The following STX8 variants were observed in gnomAD, a reference collection of about 807,000 sequenced individuals.
STX8 encodes the protein syntaxin 8.
Under a neutral mutation model 37.5 loss-of-function variants are expected in STX8, and 23 were observed. The observed-to-expected ratio is 0.61, with a 90% CI of 0.44 to 0.87. The LOEUF is 0.87. Ranked by LOEUF, STX8 falls within the 40% of genes least tolerant of loss-of-function variation. STX8 has a pLI of 0.00. For synonymous variants in STX8, 115 were observed against 99.1 expected (o/e 1.16, Z -0.95); for missense variants, 313 against 284.7 (o/e 1.10, Z -0.71).
chr17:9,560,223 C>T (rs1165020124), intron 2 of STX8, among the ~76,000 whole-genome samples: 1 of 150,612 alleles, frequency 6.6e-6, no homozygotes, highest in African/African-American at 2.4e-5. Flanking sequence ...CATGGTGAAA[C>T]CCTGTCACTA....
At chr17:9,304,325 C>A (rs1908882374) in intron 7 of STX8, among the ~76,000 whole-genome samples, 2 of 151,948 alleles carry the variant, frequency 1.3e-5, no homozygotes, top group Admixed American at 1.3e-4. Flanking sequence ...GCCGGACCAA[C>A]ATGGAGAAAC....
intron 4 of STX8, among the ~76,000 whole-genome samples, chr17:9,506,358 G>A (rs1255500395): frequency 6.6e-6 from 1 of 150,914 alleles, no homozygotes; most frequent in Non-Finnish European, 1.5e-5. Flanking sequence ...TAAATGATGG[G>A]TGGGACATCA....
intron 6 of STX8, among the ~76,000 whole-genome samples, chr17:9,397,891 G>A (rs1238012587): frequency 2.6e-5 from 4 of 151,322 alleles, no homozygotes; most frequent in South Asian, 2.1e-4. Context: ...AGGAAGCTGA[G>A]GCAGGAGAAT....
At chr17:9,500,740 C>T (rs753945464) in intron 5 of STX8, among the ~76,000 whole-genome samples, 2 of 152,218 alleles carry the variant, frequency 1.3e-5, no homozygotes, top group African/African-American at 2.4e-5. Context: ...TGCTGGCTCA[C>T]GCCTGTAATA....
At chr17:9,418,053 G>A (rs373968932) in intron 6 of STX8, among the ~76,000 whole-genome samples, 1 of 152,218 alleles carries the variant, frequency 6.6e-6, no homozygotes, top group East Asian at 1.9e-4. Context: ...GGAACCTCCA[G>A]TTTGTAGCCA....
At chr17:9,547,642 A>AAAG (rs1555536291) in intron 3 of STX8, among the ~76,000 whole-genome samples, 1,285 of 115,866 alleles carry the variant, frequency 0.011, 38 homozygotes, top group African/African-American at 0.035. Context: ...AAAAAAAAGA[A>AAAG]AAAAGAAAAG....
At chr17:9,444,589 C>T (rs1904775482) in intron 6 of STX8, among the ~76,000 whole-genome samples, 1 of 152,326 alleles carries the variant, frequency 6.6e-6, no homozygotes, top group South Asian at 2.1e-4. Flanking sequence ...TCCTAAACCT[C>T]AAGATCTTTT....
intron 7 of STX8, among the ~76,000 whole-genome samples, chr17:9,377,231 A>G (rs942372437): frequency 2.6e-5 from 4 of 152,102 alleles, no homozygotes; most frequent in Non-Finnish European, 5.9e-5. Flanking sequence ...CATTTTTCAT[A>G]TTAAAAAGGC....
intron 4 of STX8, among the ~76,000 whole-genome samples, chr17:9,528,872 A>C (rs1905686675): frequency 1.3e-5 from 2 of 152,188 alleles, no homozygotes; most frequent in South Asian, 4.1e-4. Flanking sequence ...ATTTTTCCAG[A>C]GGGAAAGAGA....
At chr17:9,390,673 A>C (rs1190231261) in intron 6 of STX8, among the ~76,000 whole-genome samples, 1 of 96,584 alleles carries the variant, frequency 1.0e-5, no homozygotes, top group Non-Finnish European at 2.3e-5. Context: ...TAAAAATACA[A>C]AAAAAAAAAA....
chr17:9,519,741 C>T (rs139982755), intron 4 of STX8, among the ~76,000 whole-genome samples: 30 of 62,882 alleles, frequency 4.8e-4, no homozygotes, highest in African/African-American at 1.5e-3. Context: ...TGCTCCCCAC[C>T]GCTCAGACAA....
At chr17:9,337,611 C>T (rs1910180869) in intron 7 of STX8, among the ~76,000 whole-genome samples, 1 of 152,218 alleles carries the variant, frequency 6.6e-6, no homozygotes, top group South Asian at 2.1e-4. Context: ...AGGTGATCTG[C>T]CCGCCTTGGC....
chr17:9,450,982 G>A (rs975086330), intron 6 of STX8, among the ~76,000 whole-genome samples: 9 of 151,852 alleles, frequency 5.9e-5, no homozygotes, highest in Non-Finnish European at 1.2e-4. Context: ...TGGGCCCTGC[G>A]CTCAGTACCA....
intron 7 of STX8, among the ~76,000 whole-genome samples, chr17:9,321,894 TGGAGATCAGGACA>T (rs1283221449): frequency 6.6e-6 from 1 of 152,212 alleles, no homozygotes; most frequent in East Asian, 1.9e-4. Context: ...TGATTGACTC[TGGAGATCAGGACA>T]GGGGATAAGA....
intron 4 of STX8, among the ~76,000 whole-genome samples, chr17:9,534,373 A>C (rs545085601): frequency 9.5e-4 from 145 of 152,248 alleles, no homozygotes; most frequent in African/African-American, 2.8e-3. Context: ...CAAATCCCAC[A>C]ATCTTGGATG....
At chr17:9,380,275 T>G (rs1440838183) in intron 6 of STX8, among the ~76,000 whole-genome samples, 4 of 148,784 alleles carry the variant, frequency 2.7e-5, no homozygotes, top group Middle Eastern at 3.5e-3. Context: ...TTTTTTTTTT[T>G]TGAGAGAGAG....
At chr17:9,511,686 G>A (rs1905021999) in intron 4 of STX8, among the ~76,000 whole-genome samples, 1 of 152,092 alleles carries the variant, frequency 6.6e-6, no homozygotes, top group African/African-American at 2.4e-5. Context: ...AGAAGACAAG[G>A]ATGCCCACTC....
chr17:9,527,185 C>CAAAAAAAAAAAAAAAAAAAAAAAA (rs61665330), intron 4 of STX8, among the ~76,000 whole-genome samples: 1 of 49,634 alleles, frequency 2.0e-5, no homozygotes, highest in African/African-American at 9.7e-5. Context: ...GACTCCGTCT[C>CAAAAAAAAAAAAAAAAAAAAAAAA]AAAAAAAAAA....
At chr17:9,485,631 G>T (rs1172536586) in intron 6 of STX8, among the ~76,000 whole-genome samples, 2 of 151,192 alleles carry the variant, frequency 1.3e-5, no homozygotes, top group African/African-American at 4.9e-5. Context: ...TGTCACCCAG[G>T]CTGGAGTGCA....
Sources: gnomAD v4.1 joint callset for allele counts (sites outside exome capture counted in the v4.1 genomes callset) on GRCh38, gnomAD v4.1.1 for gene constraint, MANE v1.5 for transcripts, NCBI Gene and HGNC (gene_info 2026-07-23, HGNC 2026-07-21) for gene names.